The following CYP2C8 variants were observed in gnomAD, a reference collection of about 807,000 sequenced individuals.
The protein encoded by CYP2C8 is cytochrome P450 2C8.
A neutral mutation model predicts 41.3 loss-of-function variants in CYP2C8; 51 were observed. That is an observed-to-expected ratio of 1.24 (90% CI 0.99 to 1.56). CYP2C8 has a LOEUF of 1.56. Among genes scored for constraint, CYP2C8 ranks in the 40% most tolerant of loss-of-function variants. The probability of loss-of-function intolerance (pLI) is 0.00; values close to 1 mark genes in which losing one functional copy is unlikely to be tolerated. For synonymous variants in CYP2C8, 218 were observed against 205.8 expected (o/e 1.06, Z -0.51); for missense variants, 651 against 579.9 (o/e 1.12, Z -1.26).
At chr10:95,045,688 A>G (rs1236198395) in intron 6 of CYP2C8, 122 bp downstream of exon 6, 2 of 1,187,302 alleles carry the variant, frequency 1.7e-6, no homozygotes, top group Non-Finnish European at 2.5e-6. Flanking sequence ...TAGACAGATT[A>G]CAGCTGATGA....
In CYP2C8 at chr10:95,069,441, C is replaced by T. The variant is rs2033636575; in HGVS notation, c.-39G>A. On this transcript the variant is annotated 5_prime_UTR_variant, in exon 1 of 9. Transcript: ENST00000371270. ...TCTTATTAAGACAGCTGTGAGCTTG[C>T]ACTCCAAAGTTTTTATAACACTCCC... 3 of 1,576,446 alleles carry T rather than the reference C, an allele frequency of 1.9e-6. No homozygotes were observed. The highest frequency in any genetic ancestry group is 2.6e-6 in the Non-Finnish European group (3 of 1,146,860).
chr10:95,045,962 T>G lies in CYP2C8; in HGVS notation c.820-11A>C. On this transcript the variant is annotated splice_polypyrimidine_tract_variant and intron_variant, in intron 5 of 8. Transcript: ENST00000371270. ...TTGGTTGTCCTTTTCCTAGAAGTGATTTCATGCAATTATCTGACAAATTAT... is the reference window on the plus strand; with the variant it reads ...TTGGTTGTCCTTTTCCTAGAAGTGAGTTCATGCAATTATCTGACAAATTAT... 1.2e-6 allele frequency: 2 copies of G among 1,613,744 alleles called. No individual in the cohort carries two copies. The highest frequency in any genetic ancestry group is 1.6e-4 in the Middle Eastern group (1 of 6,062).
intron 1 of CYP2C8, chr10:95,068,739 C>T: frequency 1.6e-6 from 1 of 626,568 alleles, no homozygotes; most frequent in Admixed American, 2.4e-5. Flanking sequence ...TCAACTCACT[C>T]CGCTATTTCT....
chr10:95,041,633 T>G (rs2032997602), intron 7 of CYP2C8, among the ~76,000 whole-genome samples: 1 of 148,248 alleles, frequency 6.7e-6, no homozygotes, highest in Admixed American at 6.7e-5. Flanking sequence ...TACAAAAAAT[T>G]AGCCGGGCGC....
At chr10:95,060,532 G>A (rs2033405520) in intron 4 of CYP2C8, among the ~76,000 whole-genome samples, 1 of 152,176 alleles carries the variant, frequency 6.6e-6, no homozygotes, top group Non-Finnish European at 1.5e-5. Flanking sequence ...ATCAGCTTAA[G>A]GAGATTTTGG....
chr10:95,037,373 C>A (rs2032906767), intron 8 of CYP2C8, 64 bp from the exon 9 acceptor site: 2 of 1,441,170 alleles, frequency 1.4e-6, no homozygotes, highest in South Asian at 1.2e-5. Flanking sequence ...GACAAACAGT[C>A]ATTTGTGACT....
At chr10:95,058,192 C>T in intron 5 of CYP2C8, 143 bp downstream of exon 5, 2 of 1,228,570 alleles carry the variant, frequency 1.6e-6, no homozygotes, top group Admixed American at 2.0e-5. Context: ...TTAGTGCAGG[C>T]CCATAAATAC....
At chr10:95,055,884 A>G (rs2033305893) in intron 5 of CYP2C8, among the ~76,000 whole-genome samples, 1 of 152,042 alleles carries the variant, frequency 6.6e-6, no homozygotes, top group African/African-American at 2.4e-5. Flanking sequence ...TGAGCTCAGG[A>G]GTTTGAGACC....
chr10:95,067,363 A>G lies in CYP2C8; in HGVS notation c.332-6T>C. On this transcript the variant is annotated splice_region_variant and splice_polypyrimidine_tract_variant and intron_variant, in intron 2 of 8. Coordinates refer to ENST00000371270, the MANE Select transcript of CYP2C8 (RefSeq NM_000770.3). ...TCCATTGCTGGAAATGATTCCTAAT[A>G]AAAAAAGGGGCAGAAACTGGGAGAA... is the stretch of plus-strand genomic sequence containing the variant. 6.5e-7 allele frequency: 1 copy of G among 1,536,310 alleles called. No individual in the cohort carries two copies. Among genetic ancestry groups the G allele is most frequent in the Non-Finnish European group, 8.7e-7 (1 of 1,151,536 alleles).
intron 4 of CYP2C8, among the ~76,000 whole-genome samples, chr10:95,060,500 C>T (rs976473293): frequency 3.3e-5 from 5 of 151,960 alleles, no homozygotes; most frequent in Admixed American, 1.3e-4. Flanking sequence ...TTTTGTATCC[C>T]GAGACATTGC....
rs770740090 is a variant in CYP2C8 at position 95,043,096 on chromosome 10, G to T, written c.962-19C>A. 1.2e-6 allele frequency: 2 copies of T among 1,612,912 alleles called. No homozygotes were observed. Among genetic ancestry groups the T allele is most frequent in the Admixed American group, 1.7e-5 (1 of 60,018 alleles). On this transcript the variant is annotated intron_variant, in intron 6 of 8. Coordinates refer to ENST00000371270, the MANE Select transcript of CYP2C8 (RefSeq NM_000770.3). ...ACTTTAGCTGACAAGACACAAGAAA[G>T]AACTGATGGAAACGAAGATATATGG...
chr10:95,046,027 A>G, intron 5 of CYP2C8, 76 bp from the exon 6 acceptor site: 2 of 1,542,738 alleles, frequency 1.3e-6, no homozygotes, highest in Non-Finnish European at 1.8e-6. Flanking sequence ...TAAAAAACAT[A>G]CTATTTTTTA....
chr10:95,037,311 T>C lies in CYP2C8; in HGVS notation c.1292-2A>G. The C allele has an allele frequency of 1.2e-6, 2 of 1,612,914 alleles. No homozygotes were observed. Among genetic ancestry groups the C allele is most frequent in the Non-Finnish European group, 1.7e-6 (2 of 1,179,582 alleles). On this transcript the variant is annotated splice_acceptor_variant, in intron 8 of 8. Coordinates refer to ENST00000371270, the MANE Select transcript of CYP2C8 (RefSeq NM_000770.3). LOFTEE classifies it high-confidence loss of function. ...CTTCTCCTGCACAAATTCGTTTTCCTGAAGATAACAAAGAAAGGAAGTAGT... is the reference window on the plus strand; with the variant it reads ...CTTCTCCTGCACAAATTCGTTTTCCCGAAGATAACAAAGAAAGGAAGTAGT...
At position 95,067,677 on chromosome 10, in the gene CYP2C8, A is replaced by T. The variant is rs1440057227; in HGVS notation, c.183T>A (p.Tyr61Ter). 6.2e-7 allele frequency: 1 copy of T among 1,614,196 alleles called. No homozygotes were observed. The highest frequency in any genetic ancestry group is 1.1e-5 in the South Asian group (1 of 91,086). The change falls in exon 2 of 9, where the codon TAT (tyrosine) becomes TAA (stop). Residue 61 changes from tyrosine (Y) to a stop codon, truncating the protein, a stop_gained. Transcript: ENST00000371270. LOFTEE classifies it high-confidence loss of function. ...CKSFTNFSKV[Y>*]GPVFTVYFGM... ...CAAAATACACGGTGAACACAGGACC[A>T]TAGACTTTTGAGAACTGGGAAAGGA...
intron 7 of CYP2C8, among the ~76,000 whole-genome samples, chr10:95,040,259 T>C (rs965793104): frequency 3.9e-5 from 6 of 151,956 alleles, no homozygotes; most frequent in African/African-American, 1.5e-4. Flanking sequence ...GACCCTTGTA[T>C]TGAGAAAGAA....
At chr10:95,052,676 A>C (rs879772769) in intron 5 of CYP2C8, among the ~76,000 whole-genome samples, 1 of 152,278 alleles carries the variant, frequency 6.6e-6, no homozygotes, top group South Asian at 2.1e-4. Flanking sequence ...TCATATCAAC[A>C]GAATAAAGAA....
Position 95,067,838 on chromosome 10 carries a change from G to A in CYP2C8, c.169-147C>T, listed in dbSNP as rs2033604305. On this transcript the variant is annotated intron_variant, in intron 1 of 8. Transcript: ENST00000371270. Reference sequence around the variant, plus strand: ...ATATTTCTGAATTTTGTACATAAATGTGATGGTGATTGTTATAGCTGCCAC... The same window carrying A: ...ATATTTCTGAATTTTGTACATAAATATGATGGTGATTGTTATAGCTGCCAC... 3 of 916,302 alleles carry A rather than the reference G, an allele frequency of 3.3e-6. No individual in the cohort carries two copies. In the South Asian group the frequency reaches 4.8e-5, roughly 15 times the overall value. 56.8% of individuals were successfully genotyped at this position (916,302 alleles called of 1,614,324 possible). A position where few individuals can be genotyped will look rare whatever the true frequency, so the allele number is the denominator to read the frequency against.
intron 4 of CYP2C8, among the ~76,000 whole-genome samples, chr10:95,058,895 T>C (rs1026116028): frequency 1.3e-5 from 2 of 152,180 alleles, no homozygotes; most frequent in African/African-American, 4.8e-5. Context: ...TATGCAGTGT[T>C]TGGTTTTTTT....
intron 7 of CYP2C8, among the ~76,000 whole-genome samples, chr10:95,041,315 C>T (rs1452107124): frequency 6.6e-6 from 1 of 152,170 alleles, no homozygotes; most frequent in Non-Finnish European, 1.5e-5. Context: ...AATTGGGCTG[C>T]AGATGACACT....
Sources: allele counts gnomAD v4.1 joint callset (sites outside exome capture counted in the v4.1 genomes callset), GRCh38; gene constraint gnomAD v4.1.1; transcripts MANE v1.5; gene names NCBI Gene and HGNC (gene_info 2026-07-23, HGNC 2026-07-21).